Variants in BCL11A observed in about 807,000 individuals in gnomAD.
BCL11A encodes B cell CLL/lymphoma 11A.
In BCL11A, 2 loss-of-function variants were observed where a neutral mutation model predicts 55.9. That is an observed-to-expected ratio of 0.04 (90% confidence interval 0.01 to 0.11). BCL11A has a LOEUF of 0.11. BCL11A is among the 10% of genes least tolerant of loss of function. BCL11A has a pLI of 1.00. For missense variants in BCL11A, 817 were observed against 1,137.1 expected (o/e 0.72, Z 4.05); for synonymous variants, 465 against 473.4 (o/e 0.98, Z 0.23).
intron 1 of BCL11A, among the ~76,000 whole-genome samples, chr2:60,548,563 A>G (rs1203348129): frequency 2.0e-5 from 3 of 152,186 alleles, no homozygotes; most frequent in Admixed American, 2.0e-4. Context: ...CACCTAATTA[A>G]TTTTATAGGA....
At chr2:60,535,367 T>G (rs2556378) in intron 2 of BCL11A, 123,120 of 152,122 alleles carry the variant, frequency 0.81, 49,991 homozygotes, top group South Asian at 0.85. Context: ...GGGGCTAAGA[T>G]ACAAACAGAG....
At chr2:60,540,946 TTGTGTGTGTGTGTGTGTGTGTGTGTG>T (rs368895286) in intron 2 of BCL11A, among the ~76,000 whole-genome samples, 2 of 140,216 alleles carry the variant, frequency 1.4e-5, no homozygotes, top group African/African-American at 5.3e-5. Flanking sequence ...AGCACTGGTT[TTGTGTGTGTGTGTGTGTGTGTGTGTG>T]TGTGTGTGTG....
At chr2:60,503,809 T>G (rs1027990074) in intron 2 of BCL11A, among the ~76,000 whole-genome samples, 1 of 152,262 alleles carries the variant, frequency 6.6e-6, no homozygotes, top group Non-Finnish European at 1.5e-5. Flanking sequence ...GACAATATTC[T>G]GGATCTTTTG....
chr2:60,525,056 C>T (rs890876771), intron 2 of BCL11A: 7 of 152,158 alleles, frequency 4.6e-5, no homozygotes, highest in African/African-American at 7.2e-5. Context: ...CATCGGATGC[C>T]TTTAACAAGC....
At position 60,463,896 on chromosome 2, in the gene BCL11A, G is replaced by T. The variant is rs71526491; in HGVS notation, c.488-1472C>A. 9.1e-3 allele frequency among the ~76,000 whole-genome samples: 1,344 copies of T among 147,806 alleles called. 11 individuals carry two copies. Among genetic ancestry groups the T allele is most frequent in the Non-Finnish European group, 0.013 (896 of 67,450 alleles). On this transcript the variant is annotated intron_variant, in intron 3 of 3. Transcript: ENST00000642384. ...CAAGAGTTCTTTAAGGCCACAGCTA[G>T]TATTTGTCAGTAACTTTCTAAGAAG...
At chr2:60,475,701 C>T (rs1039256190) in intron 2 of BCL11A, among the ~76,000 whole-genome samples, 1 of 152,104 alleles carries the variant, frequency 6.6e-6, no homozygotes, top group Non-Finnish European at 1.5e-5. Context: ...GAGTCCTCAG[C>T]TGAGGATCTT....
At chr2:60,482,759 G>C (rs1678034848) in intron 2 of BCL11A, among the ~76,000 whole-genome samples, 1 of 152,220 alleles carries the variant, frequency 6.6e-6, no homozygotes, top group Non-Finnish European at 1.5e-5. Context: ...GGACAGGTTA[G>C]TACCACACTA....
intron 2 of BCL11A, chr2:60,538,446 A>G (rs569950698): frequency 1.3e-5 from 2 of 152,346 alleles, no homozygotes; most frequent in South Asian, 2.1e-4. Context: ...CTAATTCGCC[A>G]GTTCTTAGCA....
intron 2 of BCL11A, among the ~76,000 whole-genome samples, chr2:60,516,643 A>C (rs1668742559): frequency 6.6e-6 from 1 of 152,238 alleles, no homozygotes; most frequent in Non-Finnish European, 1.5e-5. Flanking sequence ...CTGGGATGGG[A>C]GAAATGTGGC....
chr2:60,460,325 G>T lies in BCL11A; in HGVS notation c.*79C>A. 1 of 1,524,188 alleles carries T rather than the reference G, an allele frequency of 6.6e-7. No individual in the cohort carries two copies. The highest frequency in any genetic ancestry group is 1.3e-5 in the South Asian group (1 of 76,154). 94.4% of individuals were successfully genotyped at this position (1,524,188 alleles called of 1,614,324 possible). A position where few individuals can be genotyped will look rare whatever the true frequency, so the allele number is the denominator to read the frequency against. Reference sequence around the variant, plus strand: ...CTAGAAAAAAATCCTACAGGGAGTGGGGCTGGAGGGCGATGGGGAAGGGGA... The same window carrying T: ...CTAGAAAAAAATCCTACAGGGAGTGTGGCTGGAGGGCGATGGGGAAGGGGA... On this transcript the variant is annotated 3_prime_UTR_variant, in exon 4 of 4. Transcript: ENST00000642384.
At chr2:60,493,713 A>T (rs111688227) in intron 2 of BCL11A, among the ~76,000 whole-genome samples, 1 of 152,264 alleles carries the variant, frequency 6.6e-6, no homozygotes, top group African/African-American at 2.4e-5. Context: ...CAAGGAGATG[A>T]CTTCTACCTT....
At chr2:60,494,612 A>G (rs937545008) in intron 2 of BCL11A, among the ~76,000 whole-genome samples, 1 of 152,204 alleles carries the variant, frequency 6.6e-6, no homozygotes, top group Admixed American at 6.5e-5. Context: ...CTCATTCCTA[A>G]TGATTTATCA....
chr2:60,510,624 A>C (rs1679927710), intron 2 of BCL11A, among the ~76,000 whole-genome samples: 1 of 152,190 alleles, frequency 6.6e-6, no homozygotes, highest in Admixed American at 6.5e-5. Flanking sequence ...GTGCCACAAG[A>C]GCAGGGAGTT....
intron 2 of BCL11A, chr2:60,537,834 C>T (rs1403170774): frequency 6.6e-6 from 1 of 152,162 alleles, no homozygotes; most frequent in East Asian, 1.9e-4. Flanking sequence ...CACTGGTTTT[C>T]TTTTTGAAGG....
downstream of BCL11A, among the ~76,000 whole-genome samples, chr2:60,455,508 T>C (rs1675897207): frequency 6.6e-6 from 1 of 152,136 alleles, no homozygotes; most frequent in Non-Finnish European, 1.5e-5. Context: ...GAAGAACCCA[T>C]CTCCCAGTAA....
chr2:60,540,653 T>A (rs1281618345), intron 2 of BCL11A, among the ~76,000 whole-genome samples: 1 of 152,180 alleles, frequency 6.6e-6, no homozygotes, highest in Admixed American at 6.5e-5. Context: ...ACTCCCACAT[T>A]AGCCAAACTA....
At chr2:60,486,764 G>T (rs1298424727) in intron 2 of BCL11A, among the ~76,000 whole-genome samples, 1 of 152,180 alleles carries the variant, frequency 6.6e-6, no homozygotes, top group African/African-American at 2.4e-5. Context: ...GTGTGACAGA[G>T]TCTGAGCCCA....
chr2:60,515,720 T>C (rs1373564799), intron 2 of BCL11A, among the ~76,000 whole-genome samples: 1 of 152,158 alleles, frequency 6.6e-6, no homozygotes, highest in Non-Finnish European at 1.5e-5. Context: ...TGGTGGTGGG[T>C]GGCGGACAGA....
At chr2:60,517,253 A>T (rs1341262300) in intron 2 of BCL11A, among the ~76,000 whole-genome samples, 1 of 152,108 alleles carries the variant, frequency 6.6e-6, no homozygotes, top group African/African-American at 2.4e-5. Flanking sequence ...CCCCAACTCC[A>T]TCTACTCCAT....
Sources: allele counts gnomAD v4.1 joint callset (sites outside exome capture counted in the v4.1 genomes callset), GRCh38; gene constraint gnomAD v4.1.1; transcripts MANE v1.5; gene names NCBI Gene and HGNC (gene_info 2026-07-23, HGNC 2026-07-21).